Variants in DHCR7 observed in about 807,000 individuals in gnomAD.
DHCR7 encodes the protein 7-dehydrocholesterol reductase.
In DHCR7, 40 loss-of-function variants were observed where a neutral mutation model predicts 43.3. That is an observed-to-expected ratio of 0.92 (90% CI 0.72 to 1.20). The LOEUF (loss-of-function observed/expected upper bound fraction) is 1.20. DHCR7 is among the 50% of genes most tolerant of loss of function. DHCR7 has a pLI of 0.00. For synonymous variants in DHCR7, 298 were observed against 271.4 expected (o/e 1.10, Z -0.96); for missense variants, 608 against 644.6 (o/e 0.94, Z 0.62).
Position 71,435,084 on chromosome 11 carries a change from C to G in DHCR7, c.*291G>C. The G allele has an allele frequency of 4.9e-6, 3 of 617,268 alleles. No individual in the cohort carries two copies. Among genetic ancestry groups the G allele is most frequent in the Non-Finnish European group, 6.1e-6 (2 of 329,886 alleles). 38.2% of individuals were successfully genotyped at this position (617,268 alleles called of 1,614,324 possible). ...GGCTCCTAATACAGGTAAATTGTCT[C>G]CAAAGGACTAGTAAAGGTGACTGGG... On this transcript the variant is annotated 3_prime_UTR_variant, in exon 9 of 9. Transcript: ENST00000355527.
chr11:71,430,024 C>T (rs1949220671), downstream of DHCR7, among the ~76,000 whole-genome samples: 1 of 152,164 alleles, frequency 6.6e-6, no homozygotes. Context: ...TCCAGATTTC[C>T]TAACAGATTT....
At position 71,435,360 on chromosome 11, in the gene DHCR7, C is replaced by T. The variant is rs1949261500; in HGVS notation, c.*15G>A. 3 of 1,610,280 alleles carry T rather than the reference C, an allele frequency of 1.9e-6. No homozygotes were observed. The highest frequency in any genetic ancestry group is 2.5e-6 in the Non-Finnish European group (3 of 1,179,684). Reference sequence around the variant, plus strand: ...CTCTTGACAGCCCCACAGGGCTTCTCCCTAGGGCGTGCCCTTAGAAGATTC... The same window carrying T: ...CTCTTGACAGCCCCACAGGGCTTCTTCCTAGGGCGTGCCCTTAGAAGATTC... On this transcript the variant is annotated 3_prime_UTR_variant, in exon 9 of 9. Coordinates refer to ENST00000355527, the MANE Select transcript of DHCR7 (RefSeq NM_001360.3).
chr11:71,433,422 G>A (rs7122671), downstream of DHCR7, among the ~76,000 whole-genome samples: 13,228 of 152,234 alleles, frequency 0.087, 646 homozygotes, highest in African/African-American at 0.13. Context: ...GCATGGAAGA[G>A]GAACCTGCAG....
In DHCR7 at chr11:71,438,275, C is replaced by T. The variant is rs181726776; in HGVS notation, c.832-332G>A. On this transcript the variant is annotated intron_variant, in intron 7 of 8. Transcript: ENST00000355527. ...CAACCTCCTGCCCGAGCAACGTCCACAGCTCCTGACAGGCCTCCCTCACCC... is the reference window on the plus strand; with the variant it reads ...CAACCTCCTGCCCGAGCAACGTCCATAGCTCCTGACAGGCCTCCCTCACCC... 2.3e-3 allele frequency among the ~76,000 whole-genome samples: 349 copies of T among 152,320 alleles called. 2 individuals carry two copies. Among genetic ancestry groups the T allele is most frequent in the Middle Eastern group, 6.8e-3 (2 of 294 alleles).
chr11:71,446,769 T>C (rs1053378937), intron 2 of DHCR7, among the ~76,000 whole-genome samples: 27 of 152,254 alleles, frequency 1.8e-4, no homozygotes, highest in African/African-American at 5.5e-4. Flanking sequence ...GTTCCTATGA[T>C]GCACAAAACA....
At position 71,444,142 on chromosome 11, in the gene DHCR7, T is replaced by A. The variant is rs104886032; in HGVS notation, c.172A>T (p.Ile58Phe). 6.2e-7 allele frequency: 1 copy of A among 1,611,886 alleles called. No individual in the cohort carries two copies. Among genetic ancestry groups the A allele is most frequent in the Admixed American group, 1.7e-5 (1 of 59,670 alleles). ...CAGCTGTACTGGTCACAAGCCATGA[T>A]GAAGTAGTAGACGATGAAGGGGGCG... Reference protein sequence around the residue: ...LFAPFIVYYFIMACDQYSCAL... With the variant: ...LFAPFIVYYFFMACDQYSCAL... The change falls in exon 4 of 9, where the codon ATC (isoleucine) becomes TTC (phenylalanine). Residue 58 changes from isoleucine (I) to phenylalanine (F), a missense_variant. Coordinates refer to ENST00000355527, the MANE Select transcript of DHCR7 (RefSeq NM_001360.3).
intron 8 of DHCR7, chr11:71,436,062 T>G: frequency 1.7e-6 from 1 of 591,268 alleles, no homozygotes; most frequent in South Asian, 2.0e-5. Context: ...TGTGTATGTG[T>G]GTGTGTATAT....
At chr11:71,431,645 T>C (rs1408287498), downstream of DHCR7, among the ~76,000 whole-genome samples, 1 of 152,184 alleles carries the variant, frequency 6.6e-6, no homozygotes, top group African/African-American at 2.4e-5. Context: ...GCATTGTATC[T>C]GTCCAGGTGC....
chr11:71,433,300 G>A (rs188034534), downstream of DHCR7, among the ~76,000 whole-genome samples: 72 of 152,312 alleles, frequency 4.7e-4, no homozygotes, highest in East Asian at 1.9e-3. Context: ...CCCTGTTCTC[G>A]CCCAGAGAGA....
Position 71,439,640 on chromosome 11 carries a change from C to T in DHCR7, c.627-557G>A, listed in dbSNP as rs181415323. Among the ~76,000 whole-genome samples the T allele has an allele frequency of 2.6e-5, 4 of 152,340 alleles. No individual in the cohort carries two copies. The East Asian group carries it at 7.7e-4, about 29-fold the overall frequency. ...TGACCAGTTACCTGAATCCCCCAAT[C>T]CCCGGAGGGCCAGAGCATCAGCCGA... is the stretch of plus-strand genomic sequence containing the variant. On this transcript the variant is annotated intron_variant, in intron 6 of 8. Transcript: ENST00000355527.
At chr11:71,431,426 A>T (rs186217864), downstream of DHCR7, among the ~76,000 whole-genome samples, 176 of 152,246 alleles carry the variant, frequency 1.2e-3, 1 homozygote, top group South Asian at 0.018. Context: ...TGTCGCTATC[A>T]CTGACGCCCA....
At chr11:71,428,441 G>GAGCTTTA (rs1307202486) in exon 3 of DHCR7, 1 of 155,296 alleles carries the variant, frequency 6.4e-6, no homozygotes, top group African/African-American at 2.4e-5. Flanking sequence ...TTCTTTTTGA[G>GAGCTTTA]AGCTTTATAA....
rs1478835472 is a variant in DHCR7, at chr11:71,442,329, CA to C, written c.345del (p.Asp116ThrfsTer11). Reference sequence around the variant, plus strand: ...CCGGGTAGAAACTTATGGCAGAAGTCAGGGAGAGACGTGTACAGAAGCACCT... The same window carrying C: ...CCGGGTAGAAACTTATGGCAGAAGTCGGGAGAGACGTGTACAGAAGCACCT... The part of the protein sequence containing the change: ...TFQVLLYTSL[P>X]DFCHKFLPGY... On this transcript the variant is annotated frameshift_variant, in exon 5 of 9. Transcript: ENST00000355527. LOFTEE classifies it high-confidence loss of function. The C allele has an allele frequency of 6.2e-7, 1 of 1,613,922 alleles. No individual in the cohort carries two copies.
At chr11:71,448,856 G>A (rs907702001), upstream of DHCR7, 1 of 152,342 alleles carries the variant, frequency 6.6e-6, no homozygotes, top group African/African-American at 2.4e-5. Context: ...TCACGTCCCG[G>A]GGCGAAGAGG....
intron 8 of DHCR7, among the ~76,000 whole-genome samples, chr11:71,437,061 G>A (rs1414335506): frequency 6.6e-6 from 1 of 152,204 alleles, no homozygotes; most frequent in Non-Finnish European, 1.5e-5. Context: ...GGGGCCAGCT[G>A]GGGCTCTGCA....
chr11:71,438,897 G>A lies in DHCR7; in HGVS notation c.813C>T (p.Val271=). Residue 271 remains valine (V), a synonymous_variant, in exon 7 of 9, where the codon GTC becomes GTT. Coordinates refer to ENST00000355527, the MANE Select transcript of DHCR7 (RefSeq NM_001360.3). The part of the protein sequence containing the change: ...ELHSHVTNAM[V]LVNVLQAIYV... ...CAGGCACCTGCAGGACGTTGACCAG[G>A]ACCATGGCATTGGTCACATGGCTGT... 6.2e-7 allele frequency: 1 copy of A among 1,613,862 alleles called. No individual in the cohort carries two copies. Among genetic ancestry groups the A allele is most frequent in the Non-Finnish European group, 8.5e-7 (1 of 1,180,040 alleles).
chr11:71,447,769 C>T (rs1444785852), intron 1 of DHCR7, 35 bp from the exon 2 acceptor site: 1 of 152,346 alleles, frequency 6.6e-6, no homozygotes, highest in African/African-American at 2.4e-5. Flanking sequence ...AGACCGCAGG[C>T]AGCTGACATT....
intron 6 of DHCR7, 95 bp from the exon 7 acceptor site, chr11:71,439,178 T>C (rs746128609): frequency 2.5e-6 from 3 of 1,202,664 alleles, no homozygotes; most frequent in South Asian, 1.3e-5. Flanking sequence ...TGGCCCAGGG[T>C]CCTAAAGGGT....
chr11:71,431,431 C>T (rs78363005), downstream of DHCR7, among the ~76,000 whole-genome samples: 2 of 152,310 alleles, frequency 1.3e-5, no homozygotes, highest in East Asian at 1.9e-4. Context: ...CTATCACTGA[C>T]GCCCACCTCT....
Sources: allele counts gnomAD v4.1 joint callset (sites outside exome capture counted in the v4.1 genomes callset), GRCh38; gene constraint gnomAD v4.1.1; transcripts MANE v1.5; gene names NCBI Gene and HGNC (gene_info 2026-07-23, HGNC 2026-07-21).